Variants in SPTSSB observed in about 807,000 individuals in gnomAD.
SPTSSB encodes androgen down regulated in mouse prostate.
SPTSSB carries 6 observed loss-of-function variants against 7.7 expected under a neutral mutation model. The observed-to-expected ratio is 0.78, with a 90% CI of 0.43 to 1.54. The LOEUF (loss-of-function observed/expected upper bound fraction) is 1.54, where lower values mean the gene tolerates loss of function less well. Among genes scored for constraint, SPTSSB ranks in the 40% most tolerant of loss-of-function variants. The pLI is 0.01. For synonymous variants in SPTSSB, 28 were observed against 29.7 expected (o/e 0.94, Z 0.19); for missense variants, 91 against 93.0 (o/e 0.98, Z 0.09).
intron 1 of SPTSSB, among the ~76,000 whole-genome samples, chr3:161,360,950 T>A (rs981635903): frequency 6.6e-6 from 1 of 152,274 alleles, no homozygotes; most frequent in Admixed American, 6.5e-5. Flanking sequence ...TACATATCTA[T>A]AGAAATATGG....
At chr3:161,347,961 T>C (rs1200034300) in intron 2 of SPTSSB, 4 of 152,166 alleles carry the variant, frequency 2.6e-5, no homozygotes, top group Non-Finnish European at 5.9e-5. Flanking sequence ...ATTTTAAGTA[T>C]TACCATGTGG....
At chr3:161,347,313 A>G (rs1034272812) in intron 2 of SPTSSB, among the ~76,000 whole-genome samples, 7 of 152,100 alleles carry the variant, frequency 4.6e-5, no homozygotes, top group African/African-American at 1.7e-4. Context: ...GCTAGAATAT[A>G]GTGGCACAAT....
At chr3:161,351,339 TA>T (rs1714526933) in intron 2 of SPTSSB, among the ~76,000 whole-genome samples, 2 of 152,170 alleles carry the variant, frequency 1.3e-5, no homozygotes, top group African/African-American at 4.8e-5. Context: ...ACAACTGTCC[TA>T]AACAATGAAG....
At chr3:161,368,515 C>T (rs954773638) in intron 1 of SPTSSB, among the ~76,000 whole-genome samples, 1 of 151,144 alleles carries the variant, frequency 6.6e-6, no homozygotes, top group Non-Finnish European at 1.5e-5. Flanking sequence ...CAAGCTCCGC[C>T]TCCCGGGTTC....
At chr3:161,363,436 A>C (rs1715092853) in intron 1 of SPTSSB, among the ~76,000 whole-genome samples, 1 of 151,986 alleles carries the variant, frequency 6.6e-6, no homozygotes, top group Non-Finnish European at 1.5e-5. Context: ...CAACTTTAAG[A>C]GAAATATTGT....
chr3:161,359,141 C>T (rs2108163318), intron 2 of SPTSSB, among the ~76,000 whole-genome samples: 1 of 151,980 alleles, frequency 6.6e-6, no homozygotes, highest in Non-Finnish European at 1.5e-5. Flanking sequence ...CCTTTTCTTT[C>T]TTTATTAAAA....
At chr3:161,349,631 A>G (rs1714426284) in intron 2 of SPTSSB, among the ~76,000 whole-genome samples, 1 of 152,236 alleles carries the variant, frequency 6.6e-6, no homozygotes, top group Non-Finnish European at 1.5e-5. Context: ...TGATGACTTT[A>G]AAAATGTTCT....
chr3:161,350,020 G>A (rs1471543721), intron 2 of SPTSSB, among the ~76,000 whole-genome samples: 1 of 152,052 alleles, frequency 6.6e-6, no homozygotes, highest in Non-Finnish European at 1.5e-5. Flanking sequence ...TGGCTTGGAT[G>A]GAGAAGAAAG....
Position 161,359,782 on chromosome 3 carries a change from TATAATC to T in SPTSSB, c.-33+14_-33+19del. 2 of 985,460 alleles carry T rather than the reference TATAATC, an allele frequency of 2.0e-6. No individual in the cohort carries two copies. The highest frequency in any genetic ancestry group is 3.5e-5 in the African/African-American group (2 of 57,358). 61.0% of individuals were successfully genotyped at this position (985,460 alleles called of 1,614,324 possible). A position where few individuals can be genotyped will look rare whatever the true frequency, so the allele number is the denominator to read the frequency against. On this transcript the variant is annotated intron_variant, in intron 2 of 2. Coordinates refer to ENST00000620149, the MANE Select transcript of SPTSSB (RefSeq NM_001040100.2). Reference sequence around the variant, plus strand: ...GATTTCTCAAAGCAAGTCTCCGTGATATAATCAGAATTTACTTGCCTAAGAAAGTCC... The same window carrying T: ...GATTTCTCAAAGCAAGTCTCCGTGATAGAATTTACTTGCCTAAGAAAGTCC...
At chr3:161,348,582 A>C (rs1714369088) in intron 2 of SPTSSB, among the ~76,000 whole-genome samples, 1 of 152,258 alleles carries the variant, frequency 6.6e-6, no homozygotes, top group African/African-American at 2.4e-5. Flanking sequence ...TAGCACCAAC[A>C]GTGGATACAT....
At chr3:161,366,628 T>C (rs1330430837) in intron 1 of SPTSSB, among the ~76,000 whole-genome samples, 1 of 152,202 alleles carries the variant, frequency 6.6e-6, no homozygotes. Flanking sequence ...TTTCTCTGTT[T>C]TATGTTTCTT....
Position 161,346,194 on chromosome 3 carries a change from T to C in SPTSSB, c.130A>G (p.Met44Val). 1 of 1,612,650 alleles carries C rather than the reference T, an allele frequency of 6.2e-7. No homozygotes were observed. Among genetic ancestry groups the C allele is most frequent in the Non-Finnish European group, 8.5e-7 (1 of 1,178,678 alleles). ...FNTILLTIIA[M>V]VVYTAYVFIP... ...AAGACATAGGCAGTGTATACCACCA[T>C]AGCAATAATGGTTAGTAAGATGGTG... Residue 44 changes from methionine (M) to valine (V), a missense_variant, in exon 3 of 3, where the codon ATG becomes GTG. Transcript: ENST00000620149.
chr3:161,369,705 A>AT (rs1293689091), intron 1 of SPTSSB, among the ~76,000 whole-genome samples: 3 of 151,998 alleles, frequency 2.0e-5, no homozygotes, highest in African/African-American at 7.3e-5. Flanking sequence ...AAAGCTGGGG[A>AT]TGATGAGTAA....
chr3:161,360,943 A>G (rs1197198151), intron 1 of SPTSSB, among the ~76,000 whole-genome samples: 1 of 152,188 alleles, frequency 6.6e-6, no homozygotes, highest in African/African-American at 2.4e-5. Flanking sequence ...ATATTCTTAC[A>G]TATCTATAGA....
chr3:161,346,214 A>G lies in SPTSSB; in HGVS notation c.110T>C (p.Ile37Thr). ...EPWERSMFNTILLTIIAMVVY... is the reference protein window; with the variant it reads ...EPWERSMFNTTLLTIIAMVVY... ...CACCATAGCAATAATGGTTAGTAAG[A>G]TGGTGTTAAACATAGATCGCTCCCA... Residue 37 changes from isoleucine (I) to threonine (T), a missense_variant, in exon 3 of 3, where the codon ATC becomes ACC. Ile to Thr is a moderately conservative substitution (Grantham distance 89). Transcript: ENST00000620149. 6.2e-7 allele frequency: 1 copy of G among 1,613,106 alleles called. No individual in the cohort carries two copies. Among genetic ancestry groups the G allele is most frequent in the Non-Finnish European group, 8.5e-7 (1 of 1,179,048 alleles).
intron 2 of SPTSSB, among the ~76,000 whole-genome samples, chr3:161,355,702 T>C (rs1017284521): frequency 6.6e-6 from 1 of 152,194 alleles, no homozygotes; most frequent in African/African-American, 2.4e-5. Flanking sequence ...TACAGAGTTA[T>C]TGTTTAATGG....
intron 1 of SPTSSB, among the ~76,000 whole-genome samples, chr3:161,366,210 A>C (rs926453898): frequency 6.6e-6 from 1 of 152,246 alleles, no homozygotes; most frequent in African/African-American, 2.4e-5. Flanking sequence ...AGACTACAAG[A>C]ATCCAGGACA....
At chr3:161,368,194 ACT>A (rs1291981786) in intron 1 of SPTSSB, among the ~76,000 whole-genome samples, 2 of 152,140 alleles carry the variant, frequency 1.3e-5, no homozygotes, top group African/African-American at 4.8e-5. Flanking sequence ...GGATTCAGCA[ACT>A]CTAAGTTTTA....
At chr3:161,364,565 A>C (rs556080461) in intron 1 of SPTSSB, among the ~76,000 whole-genome samples, 3 of 152,250 alleles carry the variant, frequency 2.0e-5, no homozygotes, top group Admixed American at 6.5e-5. Flanking sequence ...ATTTTGATTA[A>C]AGGTCACACA....
Sources: allele counts gnomAD v4.1 joint callset (sites outside exome capture counted in the v4.1 genomes callset), GRCh38; gene constraint gnomAD v4.1.1; transcripts MANE v1.5; gene names NCBI Gene and HGNC (gene_info 2026-07-23, HGNC 2026-07-21).